Variants in SLC23A1 observed in about 807,000 individuals in gnomAD.
SLC23A1 encodes Na(+)/L-ascorbic acid transporter 1.
In SLC23A1, 31 loss-of-function variants were observed where a neutral mutation model predicts 62.5. The ratio of observed to expected loss-of-function variants is 0.50; its 90% CI spans 0.37 to 0.67. SLC23A1 has a LOEUF of 0.67. SLC23A1 is among the 30% of genes least tolerant of loss of function. The probability of loss-of-function intolerance (pLI) is 0.00; values close to 1 mark genes in which losing one functional copy is unlikely to be tolerated. For synonymous variants in SLC23A1, 271 were observed against 313.2 expected, an observed-to-expected ratio of 0.87 and a Z score of 1.42; for missense variants, 640 against 782.7, an observed-to-expected ratio of 0.82 and a Z score of 2.18.
In SLC23A1 at chr5:139,378,362, G is replaced by A. The variant is rs1488516118; in HGVS notation, c.1180-11C>T. On this transcript the variant is annotated splice_polypyrimidine_tract_variant and intron_variant, in intron 10 of 14. Transcript: ENST00000348729. The surrounding 1 kb of genome is among the most constrained non-coding windows in gnomAD (Gnocchi z 4.5). The stretch of plus-strand genomic sequence containing the variant: ...GCGCCGGCTGCCCACCTGCCGGGGA[G>A]CCAGCGGGGAAGCTAGACCTGGGGA... The A allele has an allele frequency of 6.4e-7, 1 of 1,555,916 alleles. No homozygotes were observed. Among genetic ancestry groups the A allele is most frequent in the South Asian group, 1.2e-5 (1 of 84,672 alleles).
chr5:139,384,926 G>C (rs73255285), upstream of SLC23A1, among the ~76,000 whole-genome samples: 1,013 of 152,310 alleles, frequency 6.7e-3, 13 homozygotes, highest in African/African-American at 0.024. Context: ...GCTTCAGGCA[G>C]GTCCTGGAAC....
In SLC23A1 at chr5:139,370,338, T is replaced by C. The variant is rs185693290; in HGVS notation, c.*19+1649A>G. Among the ~76,000 whole-genome samples the C allele has an allele frequency of 2.8e-3, 426 of 152,270 alleles. 2 individuals carry two copies. Among genetic ancestry groups the C allele is most frequent in the African/African-American group, 7.9e-3 (330 of 41,554 alleles). On this transcript the variant is annotated intron_variant, in intron 14 of 14. Transcript: ENST00000348729. ...GTTGTGTGCCACCACACCTGGCTAA[T>C]TTTTGTATTTTTAGTAGAGACCGAG...
chr5:139,382,434 G>C, intron 2 of SLC23A1, 58 bp downstream of exon 2: 1 of 976,224 alleles, frequency 1.0e-6, no homozygotes. Flanking sequence ...GGCCAGGGAG[G>C]GGCTGGAGTC....
Position 139,382,551 on chromosome 5 carries a change from T to C in SLC23A1, c.91A>G (p.Met31Val). ...GGCACGTCCTCGATCTTGTACAACA[T>C]GTCAAACTTAGGCTCTGTGGGTAGC... is the stretch of plus-strand genomic sequence containing the variant. ...TPLPTEPKFDMLYKIEDVPPW... is the reference protein window; with the variant it reads ...TPLPTEPKFDVLYKIEDVPPW... The change falls in exon 2 of 15, where the codon ATG becomes GTG. Residue 31 changes from methionine (M) to valine (V), a missense_variant. Physicochemically the swap from Met to Val is conservative, Grantham distance 21 (BLOSUM62 1). Coordinates refer to ENST00000348729, the MANE Select transcript of SLC23A1 (RefSeq NM_005847.5). 1 of 1,613,432 alleles carries C rather than the reference T, an allele frequency of 6.2e-7. No individual in the cohort carries two copies. Among genetic ancestry groups the C allele is most frequent in the Non-Finnish European group, 8.5e-7 (1 of 1,179,714 alleles).
chr5:139,368,678 A>ATT, intron 14 of SLC23A1: 1 of 1,191,588 alleles, frequency 8.4e-7, no homozygotes, highest in Non-Finnish European at 1.2e-6. Context: ...TCTAGATTGA[A>ATT]TTAGTACCTG....
In SLC23A1 at chr5:139,381,527, C is replaced by T. The variant is rs141198069; in HGVS notation, c.308+365G>A. ...GAGAATCGCTTGAACGCGGGAGAAT[C>T]GCTTGAACCCGGGAGGTGGTGGTTG... is the stretch of plus-strand genomic sequence containing the variant. On this transcript the variant is annotated intron_variant, in intron 3 of 14. Coordinates refer to ENST00000348729, the MANE Select transcript of SLC23A1 (RefSeq NM_005847.5). Among the ~76,000 whole-genome samples the T allele has an allele frequency of 3.3e-3, 496 of 149,854 alleles. 4 individuals are homozygous for T. The highest frequency in any genetic ancestry group is 1.0e-2 in the African/African-American group (406 of 40,618).
chr5:139,380,347 T>A lies in SLC23A1; in HGVS notation c.508A>T (p.Ile170Phe), dbSNP rs767275003. 3.1e-6 allele frequency: 5 copies of A among 1,612,328 alleles called. No homozygotes were observed. Among genetic ancestry groups the A allele is most frequent in the African/African-American group, 1.3e-5 (1 of 74,818 alleles). Reference protein sequence around the residue: ...IMVSSVVEVVIGLLGLPGALL... With the variant: ...IMVSSVVEVVFGLLGLPGALL... ...GCCCCAGGCAGCCCCAGCAGGCCAA[T>A]CACCACCTCCACCACGCTGGACACC... The change falls in exon 6 of 15, where the codon ATT becomes TTT. Residue 170 changes from isoleucine (I) to phenylalanine (F), a missense_variant. Transcript: ENST00000348729.
intron 13 of SLC23A1, among the ~76,000 whole-genome samples, chr5:139,376,632 C>T (rs1221759411): frequency 1.3e-5 from 2 of 152,186 alleles, no homozygotes; most frequent in Non-Finnish European, 2.9e-5. Context: ...TTTATGCGGG[C>T]CCCACAAAGT....
chr5:139,377,323 A>AG, intron 13 of SLC23A1, 79 bp downstream of exon 13: 1 of 812,376 alleles, frequency 1.2e-6, no homozygotes, highest in Non-Finnish European at 2.2e-6. Flanking sequence ...CTAACCACAC[A>AG]GCTCCAGCTC....
At chr5:139,383,396 G>T, upstream of SLC23A1, 1 of 1,464,764 alleles carries the variant, frequency 6.8e-7, no homozygotes, top group East Asian at 2.5e-5. Context: ...TGCGAAAGGG[G>T]GGCCCGGGCA....
At position 139,376,492 on chromosome 5, in the gene SLC23A1, ATGACTTTG is replaced by A. The variant is rs1231611424; in HGVS notation, c.1549+902_1549+909del. 2.0e-5 allele frequency among the ~76,000 whole-genome samples: 3 copies of A among 152,270 alleles called. No homozygotes were observed. The East Asian group carries it at 5.8e-4, about 29-fold the overall frequency. On this transcript the variant is annotated intron_variant, in intron 13 of 14. Coordinates refer to ENST00000348729, the MANE Select transcript of SLC23A1 (RefSeq NM_005847.5). ...CGTGATGTTTTAATTTTGTGACTTT[ATGACTTTG>A]TGGTTTTTGAGGATGAAGTAAGACA...
chr5:139,368,404 C>T (rs1757430578), intron 14 of SLC23A1, among the ~76,000 whole-genome samples: 1 of 152,004 alleles, frequency 6.6e-6, no homozygotes, highest in Admixed American at 6.5e-5. Context: ...TGGCACGCGC[C>T]TGTAGTCCCA....
chr5:139,372,927 T>C (rs1757754851), intron 13 of SLC23A1, among the ~76,000 whole-genome samples: 1 of 152,096 alleles, frequency 6.6e-6, no homozygotes, highest in African/African-American at 2.4e-5. Flanking sequence ...AGTTAAGTAA[T>C]TGTGAACCTA....
chr5:139,368,071 T>C (rs751264533), intron 14 of SLC23A1, among the ~76,000 whole-genome samples: 67 of 151,876 alleles, frequency 4.4e-4, no homozygotes, highest in African/African-American at 7.5e-4. Context: ...CGCGGTGGCT[T>C]ACGCCTGTAA....
rs1757314792 is a variant in SLC23A1, at chr5:139,367,383, G to T, written c.*268C>A. The T allele has an allele frequency of 6.6e-6, 1 of 152,078 alleles. No individual in the cohort carries two copies. Among genetic ancestry groups the T allele is most frequent in the Non-Finnish European group, 1.5e-5 (1 of 68,022 alleles). The allele number at this position is 152,078 out of a possible 1,614,324, so 9.4% of individuals were successfully genotyped here. ...AAATTTCTAGCTGTTCTTCCTAGAT[G>T]CTGACAAGTCTACTTAGGAGAGTAA... On this transcript the variant is annotated 3_prime_UTR_variant, in exon 15 of 15. Transcript: ENST00000348729.
At chr5:139,383,193 A>G in intron 1 of SLC23A1, 25 bp downstream of exon 1, 11 of 88,082 alleles carry the variant, frequency 1.2e-4, no homozygotes, top group Non-Finnish European at 1.8e-4. Flanking sequence ...TGCCCCCCCT[A>G]GCCCCCACCC....
intron 2 of SLC23A1, 78 bp from the exon 3 acceptor site, chr5:139,382,127 T>C (rs1402852193): frequency 2.1e-6 from 3 of 1,428,204 alleles, no homozygotes; most frequent in Non-Finnish European, 2.9e-6. Context: ...AGTGTCCTCA[T>C]GCCTGCCTCA....
In SLC23A1 at chr5:139,379,656, G is replaced by A. The variant is rs1758135522; in HGVS notation, c.925+22C>T. 1 of 1,594,050 alleles carries A rather than the reference G, an allele frequency of 6.3e-7. No homozygotes were observed. On this transcript the variant is annotated intron_variant, in intron 8 of 14. Coordinates refer to ENST00000348729, the MANE Select transcript of SLC23A1 (RefSeq NM_005847.5). The surrounding 1 kb of genome is among the most constrained non-coding windows in gnomAD (Gnocchi z 4.7). Reference sequence around the variant, plus strand: ...TAGGTGGTCTCAGTTGGGGGCAGAGGGGCCCAAGGGGTGTTGCTCACAGGG... The same window carrying A: ...TAGGTGGTCTCAGTTGGGGGCAGAGAGGCCCAAGGGGTGTTGCTCACAGGG...
intron 12 of SLC23A1, 96 bp downstream of exon 12, chr5:139,377,879 T>C: frequency 7.9e-7 from 1 of 1,271,162 alleles, no homozygotes. Context: ...TGGGTACGAT[T>C]TGTGGCTGTA....
Sources: gnomAD v4.1 joint callset for allele counts (sites outside exome capture counted in the v4.1 genomes callset) on GRCh38, gnomAD v4.1.1 for gene constraint, Gnocchi (gnomAD v3.1) non-coding constraint, MANE v1.5 for transcripts, NCBI Gene and HGNC (gene_info 2026-07-23, HGNC 2026-07-21) for gene names.